Variants in LARP7 observed in about 807,000 individuals in gnomAD.
LARP7 encodes the protein la-related protein 7.
LARP7 carries 52 observed loss-of-function variants against 69.3 expected under a neutral mutation model. That is an observed-to-expected ratio of 0.75 (90% confidence interval 0.60 to 0.95). The LOEUF is 0.95. Ranked by LOEUF, LARP7 falls within the 40% of genes least tolerant of loss-of-function variation. The pLI is 0.00. For synonymous variants in LARP7, 254 were observed against 215.9 expected, an observed-to-expected ratio of 1.18 and a Z score of -1.55; for missense variants, 733 against 673.0, an observed-to-expected ratio of 1.09 and a Z score of -0.99.
intron 1 of LARP7, among the ~76,000 whole-genome samples, chr4:112,643,384 G>A (rs906152297): frequency 9.2e-5 from 14 of 152,172 alleles, no homozygotes; most frequent in Non-Finnish European, 1.9e-4. Context: ...AAGAGAACAG[G>A]TTTAAAAGAC....
chr4:112,640,621 AC>A (rs559942944), intron 1 of LARP7, among the ~76,000 whole-genome samples: 2 of 152,156 alleles, frequency 1.3e-5, no homozygotes, highest in Non-Finnish European at 2.9e-5. Flanking sequence ...AATCACTTGA[AC>A]CTGTGAGGCA....
chr4:112,645,997 T>G (rs1026123749), intron 2 of LARP7, among the ~76,000 whole-genome samples: 2 of 133,984 alleles, frequency 1.5e-5, no homozygotes, highest in Non-Finnish European at 3.0e-5. Flanking sequence ...CTCATACAGT[T>G]TTTTTTTGTT....
chr4:112,657,498 C>T lies in LARP7; in HGVS notation c.*171C>T, dbSNP rs994121571. The T allele has an allele frequency of 1.6e-5, 6 of 375,420 alleles. No individual in the cohort carries two copies. Among genetic ancestry groups the T allele is most frequent in the Non-Finnish European group, 2.9e-5 (6 of 205,412 alleles). 23.3% of individuals were successfully genotyped at this position (375,420 alleles called of 1,614,324 possible). The stretch of plus-strand genomic sequence containing the variant: ...TTTCTAGAGACAAATATGATGTATA[C>T]CACAATTTTTCTTAAACATTTTATT... On this transcript the variant is annotated 3_prime_UTR_variant, in exon 13 of 13. Transcript: ENST00000344442.
chr4:112,646,692 C>G (rs1361326970), intron 4 of LARP7, 21 bp downstream of exon 4: 2 of 1,571,262 alleles, frequency 1.3e-6, no homozygotes. Context: ...GAACCCGGGT[C>G]CCCAGTCAGA....
intron 10 of LARP7, among the ~76,000 whole-genome samples, chr4:112,651,974 A>T (rs184521351): frequency 2.4e-4 from 36 of 151,824 alleles, no homozygotes; most frequent in African/African-American, 8.7e-4. Flanking sequence ...AGTGGGAAGG[A>T]CTAGCAAGTG....
At chr4:112,653,006 A>T in intron 10 of LARP7, 71 bp from the exon 11 acceptor site, 1 of 1,210,424 alleles carries the variant, frequency 8.3e-7, no homozygotes, top group Non-Finnish European at 1.1e-6. Context: ...TGGCATAACC[A>T]TTGGAATAGT....
rs766570275 is a variant in LARP7 at position 112,649,587 on chromosome 4, A to G, written c.1195A>G (p.Met399Val). 5 of 1,607,812 alleles carry G rather than the reference A, an allele frequency of 3.1e-6. No individual in the cohort carries two copies. Among genetic ancestry groups the G allele is most frequent in the African/African-American group, 1.3e-5 (1 of 74,746 alleles). The change falls in exon 9 of 13, where the codon ATG becomes GTG. Residue 399 changes from methionine (M) to valine (V), a missense_variant. Met to Val is a conservative substitution (Grantham distance 21). Transcript: ENST00000344442. ...GTATTTAGCGCTACAAAAAGCTAGCATGGCTTCTTTAAAAAAAACAATATC... is the reference window on the plus strand; with the variant it reads ...GTATTTAGCGCTACAAAAAGCTAGCGTGGCTTCTTTAAAAAAAACAATATC... Reference protein sequence around the residue: ...KEYLALQKASMASLKKTISQI... With the variant: ...KEYLALQKASVASLKKTISQI...
rs781724052 is a variant in LARP7 at position 112,644,739 on chromosome 4, GA to G, written c.77del (p.Lys26ArgfsTer36). The G allele has an allele frequency of 3.1e-6, 5 of 1,610,186 alleles. No homozygotes were observed. Among genetic ancestry groups the G allele is most frequent in the Non-Finnish European group, 2.5e-6 (3 of 1,177,656 alleles). ...AAGCACTGAAAAGAAAAAAGAAGTT[GA>G]AAAAAAGAAACGGTCACGAGTTAAA... ...EESTEKKKEVEKKKRSRVKQV... is the reference protein window; with the variant it reads ...EESTEKKKEVXKKKRSRVKQV... On this transcript the variant is annotated frameshift_variant, in exon 2 of 13. Transcript: ENST00000344442. LOFTEE classifies it high-confidence loss of function.
At chr4:112,646,563 A>G (rs1009237499) in intron 3 of LARP7, 25 bp from the exon 4 acceptor site, 11 of 1,384,702 alleles carry the variant, frequency 7.9e-6, no homozygotes, top group South Asian at 1.4e-5. Context: ...TATTAGTTTT[A>G]TTAATGTAAT....
intron 10 of LARP7, 97 bp from the exon 11 acceptor site, chr4:112,652,980 T>C: frequency 2.3e-6 from 2 of 873,692 alleles, no homozygotes; most frequent in Non-Finnish European, 3.3e-6. Context: ...AAATGCTTTA[T>C]TTACATAATA....
At chr4:112,647,972 C>T (rs779207004) in intron 8 of LARP7, 138 bp downstream of exon 8, 12 of 757,764 alleles carry the variant, frequency 1.6e-5, no homozygotes, top group South Asian at 4.1e-5. Flanking sequence ...ACAGTGTGGG[C>T]GTTAACGCAA....
intron 1 of LARP7, 59 bp downstream of exon 1, chr4:112,637,298 G>T (rs941276235): frequency 1.3e-5 from 2 of 152,382 alleles, no homozygotes; most frequent in Non-Finnish European, 2.9e-5. Context: ...TTAACTCTCC[G>T]TCCTTTTTCT....
chr4:112,650,519 C>CT lies in LARP7; in HGVS notation c.1353_1354insT (p.Val452CysfsTer10). The CT allele has an allele frequency of 6.2e-7, 1 of 1,613,568 alleles. No individual in the cohort carries two copies. ...AAGTTAATGCAACAGGACCACAGTT[C>CT]GTGAGTGGAGTGATTGTGAAGATCA... is the stretch of plus-strand genomic sequence containing the variant. On this transcript the variant is annotated frameshift_variant, in exon 10 of 13. Transcript: ENST00000344442. LOFTEE classifies it high-confidence loss of function.
intron 8 of LARP7, chr4:112,648,623 G>A: frequency 6.8e-6 from 3 of 438,684 alleles, no homozygotes; most frequent in South Asian, 3.2e-5. Context: ...AAACAAAATG[G>A]CATAACTTTA....
chr4:112,653,186 C>A lies in LARP7; in HGVS notation c.1526C>A (p.Ala509Asp), dbSNP rs775018729. The change falls in exon 11 of 13, where the codon GCC (alanine) becomes GAC (aspartate). Residue 509 changes from alanine (A) to aspartate (D), a missense_variant. Ala to Asp is a moderately radical substitution (Grantham distance 126, BLOSUM62 -2). Coordinates refer to ENST00000344442, the MANE Select transcript of LARP7 (RefSeq NM_016648.4). ...GAGGATGCTCAAGCAGTAATAAATG[C>A]CTATACAGAAATTAACAAGAAACAC... is the stretch of plus-strand genomic sequence containing the variant. ...TPEDAQAVIN[A>D]YTEINKKHCW... 88 of 1,604,610 alleles carry A rather than the reference C, an allele frequency of 5.5e-5. No individual in the cohort carries two copies. The highest frequency in any genetic ancestry group is 7.0e-5 in the Non-Finnish European group (82 of 1,176,212).
rs76696401 is a variant in LARP7 at position 112,650,605 on chromosome 4, G to A, written c.1416+23G>A. 2.9e-3 allele frequency: 4,650 copies of A among 1,597,172 alleles called. 122 individuals are homozygous for A. In the African/African-American group the frequency reaches 0.053, roughly 18 times the overall value. On this transcript the variant is annotated intron_variant, in intron 10 of 12. Coordinates refer to ENST00000344442, the MANE Select transcript of LARP7 (RefSeq NM_016648.4). ...CGGGTAATGATTTTGAGCCCCTAGG[G>A]TATTTGTTCCTTTCTTCTCTTATTA...
chr4:112,647,819 T>C lies in LARP7; in HGVS notation c.1127T>C (p.Leu376Ser). 6.3e-7 allele frequency: 1 copy of C among 1,592,720 alleles called. No homozygotes were observed. The highest frequency in any genetic ancestry group is 8.6e-7 in the Non-Finnish European group (1 of 1,162,572). Residue 376 changes from leucine to serine, a missense_variant, in exon 8 of 13, where the codon TTA (leucine) becomes TCA (serine). Physicochemically the swap from Leu to Ser is moderately radical, Grantham distance 145. Coordinates refer to ENST00000344442, the MANE Select transcript of LARP7 (RefSeq NM_016648.4). ...AAAATGGGAGAAGAAGTTATACCAT[T>C]AAGAGTGCTATCAAAGTAAGTCTGT... ...RHKMGEEVIPLRVLSKSEWMD... is the reference protein window; with the variant it reads ...RHKMGEEVIPSRVLSKSEWMD...
At chr4:112,646,525 TATG>T (rs2048256420) in intron 3 of LARP7, 60 bp from the exon 4 acceptor site, 1 of 1,267,884 alleles carries the variant, frequency 7.9e-7, no homozygotes, top group Admixed American at 2.3e-5. Flanking sequence ...ATGATTATTA[TATG>T]ATTATAGCTT....
intron 5 of LARP7, 29 bp downstream of exon 5, chr4:112,646,984 GAAAGA>G (rs780038591): frequency 4.2e-5 from 61 of 1,459,746 alleles, no homozygotes; most frequent in Middle Eastern, 2.1e-4. Context: ...AAAAAAAAAA[GAAAGA>G]AAAGAAAACA....
Sources: allele counts gnomAD v4.1 joint callset (sites outside exome capture counted in the v4.1 genomes callset), GRCh38; gene constraint gnomAD v4.1.1; transcripts MANE v1.5; gene names NCBI Gene and HGNC (gene_info 2026-07-23, HGNC 2026-07-21).